Variants in GTF2F2 observed in about 807,000 individuals in gnomAD.
The protein encoded by GTF2F2 is general transcription factor IIF subunit 2.
Under a neutral mutation model 42.2 loss-of-function variants are expected in GTF2F2, and 23 were observed. The observed-to-expected ratio is 0.55, with a 90% CI of 0.39 to 0.77. The LOEUF is 0.77. Among genes scored for constraint, GTF2F2 ranks in the 30% least tolerant of loss-of-function variants. The pLI is 0.00. For synonymous variants in GTF2F2, 105 were observed against 100.8 expected (o/e 1.04, Z -0.25); for missense variants, 261 against 287.2 (o/e 0.91, Z 0.66).
chr13:45,194,626 CACT>C, intron 4 of GTF2F2: 1 of 1,428,536 alleles, frequency 7.0e-7, no homozygotes, highest in South Asian at 1.3e-5. Context: ...TAAAAAGAGA[CACT>C]ACCACACAAG....
At chr13:45,155,369 T>C (rs1870704707) in intron 4 of GTF2F2, among the ~76,000 whole-genome samples, 1 of 152,228 alleles carries the variant, frequency 6.6e-6, no homozygotes, top group East Asian at 1.9e-4. Flanking sequence ...TTCTTTTTAT[T>C]AGTGCACAGG....
intron 2 of GTF2F2, among the ~76,000 whole-genome samples, chr13:45,148,437 A>G (rs1870312985): frequency 6.6e-6 from 1 of 151,970 alleles, no homozygotes; most frequent in South Asian, 2.1e-4. Flanking sequence ...CTGATCACTC[A>G]TTTGTGATCA....
chr13:45,161,032 A>G (rs1003915962), intron 4 of GTF2F2, among the ~76,000 whole-genome samples: 1 of 152,180 alleles, frequency 6.6e-6, no homozygotes, highest in South Asian at 2.1e-4. Context: ...AAGGATGCAT[A>G]CTCAAGGGTT....
At chr13:45,172,203 C>T (rs77854227) in intron 4 of GTF2F2, among the ~76,000 whole-genome samples, 2,330 of 152,252 alleles carry the variant, frequency 0.015, 17 homozygotes, top group African/African-American at 0.032. Context: ...TTATAGCCAA[C>T]CAAGTGGATG....
chr13:45,215,520 G>A (rs1173447946), intron 5 of GTF2F2, among the ~76,000 whole-genome samples: 1 of 152,196 alleles, frequency 6.6e-6, no homozygotes, highest in East Asian at 1.9e-4. Flanking sequence ...AGGACTTTGG[G>A]AGGCTGAGGC....
chr13:45,143,759 T>C (rs1870049217), intron 2 of GTF2F2, among the ~76,000 whole-genome samples: 2 of 152,180 alleles, frequency 1.3e-5, no homozygotes, highest in Admixed American at 1.3e-4. Context: ...AATGCAGCTC[T>C]TCCTGAATTT....
At chr13:45,271,327 T>C (rs1006373308) in intron 7 of GTF2F2, among the ~76,000 whole-genome samples, 2 of 151,892 alleles carry the variant, frequency 1.3e-5, no homozygotes, top group Non-Finnish European at 2.9e-5. Context: ...GACCTCTTAA[T>C]TTCCTTTTGC....
chr13:45,263,585 T>G (rs948806124), intron 6 of GTF2F2: 1 of 152,148 alleles, frequency 6.6e-6, no homozygotes, highest in African/African-American at 2.4e-5. Flanking sequence ...CAGGATACCT[T>G]GAAACTATGC....
In GTF2F2 at chr13:45,169,097, C is replaced by T. The variant is rs146000972; in HGVS notation, c.304+17266C>T. Among the ~76,000 whole-genome samples the T allele has an allele frequency of 5.8e-3, 887 of 151,748 alleles. 23 individuals carry two copies. Among genetic ancestry groups the T allele is most frequent in the Admixed American group, 0.051 (781 of 15,184 alleles). The stretch of plus-strand genomic sequence containing the variant: ...TTCGAACTCCTGACCTCAAGTGATC[C>T]GATCGCCTCGGCCTCCCAAAGTTCT... On this transcript the variant is annotated intron_variant, in intron 4 of 7. Transcript: ENST00000340473.
intron 3 of GTF2F2, 121 bp downstream of exon 3, chr13:45,149,909 G>A: frequency 1.1e-6 from 1 of 929,676 alleles, no homozygotes; most frequent in Non-Finnish European, 1.5e-6. Context: ...TGATGGTTAA[G>A]AACACATAAA....
At chr13:45,136,844 A>T (rs1487372713) in intron 2 of GTF2F2, 38 bp downstream of exon 2, 1 of 1,089,090 alleles carries the variant, frequency 9.2e-7, no homozygotes, top group Non-Finnish European at 1.4e-6. Context: ...TTAAAAAGCT[A>T]TTTTTGAAAT....
intron 2 of GTF2F2, among the ~76,000 whole-genome samples, chr13:45,144,457 C>CTTTTTTTTTTT (rs11326737): frequency 2.7e-5 from 2 of 74,020 alleles, no homozygotes; most frequent in African/African-American, 5.3e-5. Context: ...TTTTTTTGGT[C>CTTTTTTTTTTT]TTTTTTTTTT....
chr13:45,255,925 TAA>T (rs1268696679), intron 6 of GTF2F2, among the ~76,000 whole-genome samples: 3 of 152,206 alleles, frequency 2.0e-5, no homozygotes, highest in Non-Finnish European at 4.4e-5. Flanking sequence ...AAATGCACTA[TAA>T]AAGGATATAT....
At chr13:45,224,124 CT>C (rs1408374209) in intron 5 of GTF2F2, among the ~76,000 whole-genome samples, 5 of 152,212 alleles carry the variant, frequency 3.3e-5, no homozygotes, top group Non-Finnish European at 7.4e-5. Context: ...TGGCAAATGC[CT>C]TCATACACCA....
At chr13:45,215,095 A>G (rs1293166587) in intron 5 of GTF2F2, among the ~76,000 whole-genome samples, 1 of 152,220 alleles carries the variant, frequency 6.6e-6, no homozygotes, top group African/African-American at 2.4e-5. Flanking sequence ...CCTTAGTCCA[A>G]AAATCTGAAA....
intron 1 of GTF2F2, among the ~76,000 whole-genome samples, chr13:45,126,344 C>A (rs780249397): frequency 2.6e-5 from 4 of 151,376 alleles, no homozygotes; most frequent in African/African-American, 9.7e-5. Context: ...CTCCGCCTCC[C>A]GGCTTCAAGC....
At chr13:45,195,662 A>G (rs781009408) in intron 4 of GTF2F2, among the ~76,000 whole-genome samples, 8 of 152,162 alleles carry the variant, frequency 5.3e-5, no homozygotes, top group South Asian at 2.1e-4. Flanking sequence ...TCTTTCCCCT[A>G]TAACTTCCCT....
chr13:45,202,189 C>T (rs955434154), intron 4 of GTF2F2, among the ~76,000 whole-genome samples: 4 of 152,046 alleles, frequency 2.6e-5, no homozygotes, highest in African/African-American at 9.7e-5. Context: ...GAGTTCAAGA[C>T]CAGCCTGGCC....
intron 4 of GTF2F2, among the ~76,000 whole-genome samples, chr13:45,179,168 G>A (rs915754806): frequency 2.0e-5 from 3 of 152,164 alleles, no homozygotes; most frequent in African/African-American, 4.8e-5. Context: ...CAAAGCAAGG[G>A]AAAATAAAAT....
Sources: gnomAD v4.1 joint callset for allele counts (sites outside exome capture counted in the v4.1 genomes callset) on GRCh38, gnomAD v4.1.1 for gene constraint, MANE v1.5 for transcripts, NCBI Gene and HGNC (gene_info 2026-07-23, HGNC 2026-07-21) for gene names.